Variants in ARHGEF28 observed in about 807,000 individuals in gnomAD.
ARHGEF28 encodes 190 kDa guanine nucleotide exchange factor.
Under a neutral mutation model 206.6 loss-of-function variants are expected in ARHGEF28, and 152 were observed. The ratio of observed to expected loss-of-function variants is 0.74; its 90% CI spans 0.64 to 0.84. ARHGEF28 has a LOEUF of 0.84. ARHGEF28 is among the 40% of genes least tolerant of loss of function. The pLI is 0.00. For synonymous variants in ARHGEF28, 763 were observed against 776.4 expected (o/e 0.98, Z 0.29); for missense variants, 2,028 against 2,073.2 (o/e 0.98, Z 0.42).
At chr5:73,685,304 A>T (rs145627541) in intron 2 of ARHGEF28, among the ~76,000 whole-genome samples, 557 of 152,316 alleles carry the variant, frequency 3.7e-3, no homozygotes, top group Middle Eastern at 0.01. Flanking sequence ...CATAAACAGA[A>T]GTGGGAGTTG....
chr5:73,748,542 C>T (rs1751861570), intron 2 of ARHGEF28, among the ~76,000 whole-genome samples: 1 of 152,180 alleles, frequency 6.6e-6, no homozygotes, highest in South Asian at 2.1e-4. Context: ...CTCTTAGTGT[C>T]CTGTGAAATA....
intron 6 of ARHGEF28, among the ~76,000 whole-genome samples, chr5:73,777,791 G>A (rs891944519): frequency 9.9e-5 from 15 of 152,112 alleles, no homozygotes; most frequent in South Asian, 2.1e-4. Flanking sequence ...TGCTCAAGCT[G>A]GCTGGGCGTG....
chr5:73,832,364 T>C lies in ARHGEF28; in HGVS notation c.1051T>C (p.Ser351Pro). Reference protein sequence around the residue: ...LDRSFDILKKSKPPSTLLAAG... With the variant: ...LDRSFDILKKPKPPSTLLAAG... ...TCGCTCCTTCGATATCCTAAAAAAA[T>C]CCAAGCCGCCCTCGACATTGCTTGC... The change falls in exon 10 of 36, where the codon TCC becomes CCC. Residue 351 changes from serine to proline, a missense_variant. Around this residue, in one of 3 missense-constraint regions of ARHGEF28, gnomAD observed 1,002 missense variants for 1,015.3 expected, o/e 0.99. Transcript: ENST00000513042. 1.2e-6 allele frequency: 2 copies of C among 1,612,708 alleles called. No individual in the cohort carries two copies. The highest frequency in any genetic ancestry group is 1.7e-6 in the Non-Finnish European group (2 of 1,179,362).
At chr5:73,924,936 C>A (rs1414688215) in intron 35 of ARHGEF28, among the ~76,000 whole-genome samples, 32 of 152,196 alleles carry the variant, frequency 2.1e-4, no homozygotes, top group Admixed American at 2.1e-3. Flanking sequence ...AATAAACTCA[C>A]TGCATGCGGC....
intron 4 of ARHGEF28, among the ~76,000 whole-genome samples, chr5:73,769,364 T>G (rs571449277): frequency 1.3e-5 from 2 of 152,292 alleles, no homozygotes; most frequent in South Asian, 4.1e-4. Context: ...TAGTAGCCAT[T>G]TCCTTGCTTT....
At chr5:73,859,959 A>G (rs1447987112) in intron 16 of ARHGEF28, among the ~76,000 whole-genome samples, 1 of 152,172 alleles carries the variant, frequency 6.6e-6, no homozygotes, top group Non-Finnish European at 1.5e-5. Flanking sequence ...GCTTAACAGA[A>G]GTTCTGCTTT....
At chr5:73,628,876 A>G (rs1216473190) in intron 1 of ARHGEF28, among the ~76,000 whole-genome samples, 1 of 151,574 alleles carries the variant, frequency 6.6e-6, no homozygotes, top group Non-Finnish European at 1.5e-5. Context: ...TTTGTATGAT[A>G]CTCTGCCATT....
intron 33 of ARHGEF28, among the ~76,000 whole-genome samples, chr5:73,906,243 T>G (rs1271307694): frequency 6.6e-6 from 1 of 152,182 alleles, no homozygotes; most frequent in African/African-American, 2.4e-5. Flanking sequence ...ATTTTTTTAT[T>G]TATTTATTTT....
At chr5:73,775,725 C>T (rs2339608) in intron 5 of ARHGEF28, among the ~76,000 whole-genome samples, 62,878 of 151,944 alleles carry the variant, frequency 0.41, 13,206 homozygotes, top group Non-Finnish European at 0.46. Context: ...AACCCAAGAA[C>T]ATTAATATTT....
intron 30 of ARHGEF28, chr5:73,899,494 A>T (rs1173878090): frequency 6.6e-6 from 1 of 152,302 alleles, no homozygotes; most frequent in African/African-American, 2.4e-5. Context: ...GAGGGGTCTG[A>T]TGTCGGGATT....
intron 35 of ARHGEF28, 103 bp from the exon 36 acceptor site, chr5:73,940,741 T>C (rs916291714): frequency 1.0e-5 from 11 of 1,085,030 alleles, no homozygotes; most frequent in Admixed American, 3.8e-5. Context: ...TGGCTGACTA[T>C]ATGGGCACTG....
intron 14 of ARHGEF28, among the ~76,000 whole-genome samples, chr5:73,853,468 C>T (rs1005333777): frequency 2.0e-5 from 3 of 152,110 alleles, no homozygotes; most frequent in Non-Finnish European, 2.9e-5. Flanking sequence ...TTTTAGTATA[C>T]GGATCAAGAT....
At chr5:73,858,312 C>A in intron 16 of ARHGEF28, 93 bp downstream of exon 16, 1 of 1,426,484 alleles carries the variant, frequency 7.0e-7, no homozygotes, top group East Asian at 2.4e-5. Flanking sequence ...TTACATAAAC[C>A]TTTTCAGTGC....
chr5:73,638,127 T>G (rs1010814659), intron 1 of ARHGEF28, among the ~76,000 whole-genome samples: 1 of 152,242 alleles, frequency 6.6e-6, no homozygotes, highest in Admixed American at 6.5e-5. Flanking sequence ...TATTATTTTT[T>G]GAACATACAT....
intron 2 of ARHGEF28, among the ~76,000 whole-genome samples, chr5:73,717,812 G>T (rs577341775): frequency 3.2e-4 from 48 of 152,246 alleles, no homozygotes; most frequent in African/African-American, 1.1e-3. Context: ...ATAATGAACT[G>T]TTGCTGTTGG....
At chr5:73,737,377 C>T (rs1266069472) in intron 2 of ARHGEF28, among the ~76,000 whole-genome samples, 3 of 151,736 alleles carry the variant, frequency 2.0e-5, no homozygotes, top group South Asian at 2.1e-4. Context: ...TCTGCTTGCC[C>T]CCGTCATCAC....
At chr5:73,910,516 T>A (rs954208939) in intron 34 of ARHGEF28, among the ~76,000 whole-genome samples, 3 of 151,904 alleles carry the variant, frequency 2.0e-5, no homozygotes, top group Admixed American at 2.0e-4. Context: ...CAGGGTGGGT[T>A]TGTCCTGGAG....
intron 4 of ARHGEF28, among the ~76,000 whole-genome samples, chr5:73,767,637 G>T (rs1752970729): frequency 6.6e-6 from 1 of 152,156 alleles, no homozygotes; most frequent in African/African-American, 2.4e-5. Context: ...AGTGACTTGG[G>T]TGCTGTTAAA....
intron 9 of ARHGEF28, among the ~76,000 whole-genome samples, chr5:73,826,745 C>T (rs1353241762): frequency 6.6e-6 from 1 of 152,166 alleles, no homozygotes; most frequent in Non-Finnish European, 1.5e-5. Context: ...TTACTAGTTC[C>T]AATTCCCCTT....
Sources: allele counts gnomAD v4.1 joint callset (sites outside exome capture counted in the v4.1 genomes callset), GRCh38; gene constraint gnomAD v4.1.1; regional missense constraint gnomAD v4.1.1; transcripts MANE v1.5; gene names NCBI Gene and HGNC (gene_info 2026-07-23, HGNC 2026-07-21).